The following KMT2C variants were observed in gnomAD, a reference collection of about 807,000 sequenced individuals.
KMT2C encodes histone-lysine N-methyltransferase 2C.
In KMT2C, 88 loss-of-function variants were observed where a neutral mutation model predicts 507.9. That is an observed-to-expected ratio of 0.17 (90% CI 0.15 to 0.21). The LOEUF is 0.21. Ranked by LOEUF, KMT2C falls within the 10% of genes least tolerant of loss-of-function variation. The probability of loss-of-function intolerance (pLI) is 1.00; values close to 1 mark genes in which losing one functional copy is unlikely to be tolerated. For missense variants in KMT2C, 4,954 were observed against 5,957.8 expected (o/e 0.83, Z 5.55); for synonymous variants, 2,049 against 2,080.8 (o/e 0.98, Z 0.42).
chr7:152,389,997 TG>T (rs1267925620), intron 1 of KMT2C, among the ~76,000 whole-genome samples: 1 of 152,192 alleles, frequency 6.6e-6, no homozygotes, highest in Non-Finnish European at 1.5e-5. Context: ...CATTTGTAAG[TG>T]GGAGCTAAAC....
chr7:152,231,341 G>C (rs1373041366), intron 16 of KMT2C, among the ~76,000 whole-genome samples: 1 of 152,166 alleles, frequency 6.6e-6, no homozygotes, highest in African/African-American at 2.4e-5. Context: ...AAGACAAGGA[G>C]GGCATTGCCA....
intron 43 of KMT2C, among the ~76,000 whole-genome samples, chr7:152,161,340 A>G (rs1160364045): frequency 6.6e-6 from 1 of 152,214 alleles, no homozygotes; most frequent in East Asian, 1.9e-4. Context: ...CTTAATTAAA[A>G]TATGAAAATG....
At chr7:152,336,808 T>C (rs995953325) in intron 2 of KMT2C, among the ~76,000 whole-genome samples, 2 of 152,146 alleles carry the variant, frequency 1.3e-5, no homozygotes, top group African/African-American at 4.8e-5. Flanking sequence ...ATATATCTTT[T>C]CCCTTACTTT....
intron 57 of KMT2C, 26 bp downstream of exon 57, chr7:152,139,160 C>A (rs374566471): frequency 2.7e-5 from 44 of 1,610,942 alleles, no homozygotes; most frequent in Middle Eastern, 3.3e-4. Flanking sequence ...CAAAAGCACT[C>A]CCCGTCAGGT....
chr7:152,270,841 T>G (rs1317685301), intron 7 of KMT2C, among the ~76,000 whole-genome samples: 1 of 152,168 alleles, frequency 6.6e-6, no homozygotes, highest in African/African-American at 2.4e-5. Flanking sequence ...CCTAAAAGTG[T>G]TTCCTGAAGA....
intron 6 of KMT2C, among the ~76,000 whole-genome samples, chr7:152,302,208 AT>A (rs1160283479): frequency 2.0e-5 from 3 of 152,032 alleles, no homozygotes; most frequent in East Asian, 3.8e-4. Flanking sequence ...CAACAGAAGT[AT>A]TTTTTTAATG....
intron 38 of KMT2C, among the ~76,000 whole-genome samples, chr7:152,174,961 T>C (rs1180649851): frequency 1.3e-5 from 2 of 152,184 alleles, no homozygotes; most frequent in Admixed American, 6.5e-5. Context: ...TTTATTTCCA[T>C]CATAATTTTC....
intron 9 of KMT2C, among the ~76,000 whole-genome samples, chr7:152,261,127 G>T (rs141856243): frequency 1.7e-3 from 258 of 152,250 alleles, no homozygotes; most frequent in African/African-American, 5.6e-3. Context: ...TAACACAAAA[G>T]AATCCAAAAT....
rs2096711093 is a variant in KMT2C at position 152,315,121 on chromosome 7, A to C, written c.590+17T>G. On this transcript the variant is annotated intron_variant, in intron 4 of 58. Transcript: ENST00000262189. ...CAGTCTTAATCTATTCCAACATTTA[A>C]AGTCGAAACTGCTTACTTTCTCTGT... The C allele has an allele frequency of 1.9e-6, 3 of 1,605,514 alleles. No individual in the cohort carries two copies. The highest frequency in any genetic ancestry group is 1.7e-5 in the Admixed American group (1 of 59,674).
intron 1 of KMT2C, among the ~76,000 whole-genome samples, chr7:152,426,791 A>G (rs971719215): frequency 2.0e-5 from 3 of 152,204 alleles, no homozygotes; most frequent in African/African-American, 4.8e-5. Context: ...TGAGGCAACC[A>G]TAGCACAAAA....
Position 152,149,042 on chromosome 7 carries a change from G to A in KMT2C, c.12885C>T (p.Leu4295=). The part of the protein sequence containing the change: ...STLDVHCLPQ[L]PEKASPPASP... ...AGGCAGGGGGAGAAGCTTTCTCTGG[G>A]AGCTGGGGGAGACAGTGCACATCCA... is the stretch of plus-strand genomic sequence containing the variant. The change falls in exon 52 of 59, where the codon CTC becomes CTT. Residue 4295 remains leucine (L), a synonymous_variant. Coordinates refer to ENST00000262189, the MANE Select transcript of KMT2C (RefSeq NM_170606.3). 1 of 1,534,432 alleles carries A rather than the reference G, an allele frequency of 6.5e-7. No individual in the cohort carries two copies. Among genetic ancestry groups the A allele is most frequent in the Non-Finnish European group, 8.7e-7 (1 of 1,145,490 alleles).
chr7:152,331,516 G>A (rs1343585910), intron 2 of KMT2C, among the ~76,000 whole-genome samples: 1 of 151,566 alleles, frequency 6.6e-6, no homozygotes, highest in Non-Finnish European at 1.5e-5. Flanking sequence ...GGCTGAGGTG[G>A]GAGAATCAAT....
intron 37 of KMT2C, among the ~76,000 whole-genome samples, 175 bp downstream of exon 37, chr7:152,179,659 T>TGG (rs55814405): frequency 3.0e-5 from 2 of 66,198 alleles, no homozygotes; most frequent in African/African-American, 4.0e-5. Flanking sequence ...TTGAAGAGGT[T>TGG]GGGGGGGGGG....
chr7:152,272,278 C>G (rs911965287), intron 7 of KMT2C, among the ~76,000 whole-genome samples: 1 of 152,172 alleles, frequency 6.6e-6, no homozygotes, highest in African/African-American at 2.4e-5. Flanking sequence ...AAGGTATACA[C>G]TGTTAGAACA....
chr7:152,362,361 G>T (rs548412713), intron 1 of KMT2C, among the ~76,000 whole-genome samples: 73 of 152,156 alleles, frequency 4.8e-4, no homozygotes, highest in African/African-American at 1.6e-3. Flanking sequence ...TCAGCGGTAG[G>T]GGGTAAGAAG....
chr7:152,261,376 A>G (rs2095772117), intron 9 of KMT2C, among the ~76,000 whole-genome samples: 1 of 152,212 alleles, frequency 6.6e-6, no homozygotes, highest in African/African-American at 2.4e-5. Context: ...GGAACAATTA[A>G]TAGTGGTCAA....
intron 1 of KMT2C, among the ~76,000 whole-genome samples, chr7:152,364,609 CA>C (rs568794506): frequency 1.3e-3 from 114 of 90,756 alleles, no homozygotes; most frequent in Admixed American, 2.4e-3. Context: ...ACTCCGTCTC[CA>C]AAAAAAAAAA....
intron 44 of KMT2C, among the ~76,000 whole-genome samples, chr7:152,157,290 T>C (rs2092122551): frequency 6.9e-6 from 1 of 144,418 alleles, no homozygotes; most frequent in Admixed American, 7.1e-5. Flanking sequence ...ATTGCACCAC[T>C]GCAATCTGGC....
chr7:152,205,321 A>C (rs1344159555), intron 24 of KMT2C, 96 bp from the exon 25 acceptor site: 6 of 816,472 alleles, frequency 7.3e-6, no homozygotes, highest in Non-Finnish European at 9.0e-6. Flanking sequence ...ATAGTAAGTC[A>C]TTTTCCAAAA....
Sources: gnomAD v4.1 joint callset for allele counts (sites outside exome capture counted in the v4.1 genomes callset) on GRCh38, gnomAD v4.1.1 for gene constraint, MANE v1.5 for transcripts, NCBI Gene and HGNC (gene_info 2026-07-23, HGNC 2026-07-21) for gene names.